The following TF variants were observed in gnomAD, a reference collection of about 807,000 sequenced individuals.
The protein encoded by TF is serotransferrin.
In TF, 55 loss-of-function variants were observed where a neutral mutation model predicts 82.4. That is an observed-to-expected ratio of 0.67 (90% CI 0.54 to 0.84). TF has a LOEUF of 0.84. Ranked by LOEUF, TF falls within the 40% of genes least tolerant of loss-of-function variation. The probability of loss-of-function intolerance (pLI) is 0.00; values close to 1 mark genes in which losing one functional copy is unlikely to be tolerated. For synonymous variants in TF, 332 were observed against 332.6 expected, an observed-to-expected ratio of 1.00 and a Z score of 0.02; for missense variants, 737 against 868.4, an observed-to-expected ratio of 0.85 and a Z score of 1.90.
intron 13 of TF, among the ~76,000 whole-genome samples, 170 bp downstream of exon 13, chr3:133,768,334 C>T (rs541842350): frequency 1.3e-5 from 2 of 152,156 alleles, no homozygotes; most frequent in Non-Finnish European, 2.9e-5. Flanking sequence ...AGCCAGACTC[C>T]CCCAGGATGC....
At chr3:133,669,023 C>T in the TF span, among the ~76,000 whole-genome samples, 3 of 151,664 alleles carry the variant, frequency 2.0e-5, no homozygotes, top group East Asian at 1.9e-4. Flanking sequence ...TTTTCTGAGA[C>T]GGAGTTTTGC....
rs558430547 is a variant in TF, at chr3:133,781,656, C to T, written c.*3036C>T. 3.1e-4 allele frequency: 47 copies of T among 152,068 alleles called. No homozygotes were observed. The highest frequency in any genetic ancestry group is 2.4e-3 in the Admixed American group (36 of 15,284). The allele number at this position is 152,068 out of a possible 1,614,324, so 9.4% of individuals were successfully genotyped here. A position where few individuals can be genotyped will look rare whatever the true frequency, so the allele number is the denominator to read the frequency against. ...ATGATACTAATCCTCAACTAAAAAA[C>T]AAAAGTGAGACAGATAAGAAAAATT... On this transcript the variant is annotated 3_prime_UTR_variant, in exon 17 of 17. Coordinates refer to ENST00000402696, the MANE Select transcript of TF (RefSeq NM_001063.4).
the TF span, among the ~76,000 whole-genome samples, chr3:133,731,124 G>A: frequency 6.6e-6 from 1 of 152,150 alleles, no homozygotes; most frequent in Admixed American, 6.5e-5. Context: ...GGACCCTGAG[G>A]ACATTAAACA....
the TF span, among the ~76,000 whole-genome samples, chr3:133,736,631 C>CAAAAAAGAAAAGAAAAAAAA: frequency 6.1e-5 from 2 of 32,554 alleles, no homozygotes; most frequent in Non-Finnish European, 1.1e-4. Flanking sequence ...AATGGAAAGC[C>CAAAAAAGAAAAGAAAAAAAA]AAAAAAAAAA....
chr3:133,685,039 G>C, the TF span, among the ~76,000 whole-genome samples: 3 of 152,164 alleles, frequency 2.0e-5, no homozygotes, highest in East Asian at 1.9e-4. Context: ...GGGATGCAAG[G>C]CTGGTTCAAC....
chr3:133,753,831 T>C (rs1291510598), intron 3 of TF, 128 bp downstream of exon 3: 9 of 805,502 alleles, frequency 1.1e-5, no homozygotes, highest in Middle Eastern at 2.5e-4. Context: ...GAGTAGAGAA[T>C]GAGGGGCCCT....
intron 9 of TF, chr3:133,761,792 C>T (rs1417447777): frequency 6.5e-6 from 1 of 152,774 alleles, no homozygotes; most frequent in Non-Finnish European, 1.5e-5. Flanking sequence ...GCTCCACTTT[C>T]TGCAACACGC....
the TF span, among the ~76,000 whole-genome samples, chr3:133,713,205 A>G: frequency 6.6e-6 from 1 of 152,230 alleles, no homozygotes; most frequent in Non-Finnish European, 1.5e-5. Context: ...AAAAATAGAT[A>G]TTCCTGGGCT....
rs1181001192 is a variant in TF at position 133,782,524 on chromosome 3, G to A, written c.*3904G>A. ...AACTGGAGGATATTAAGTGAAATAAGGCAGATACAGAAAGAAAAATATTAC... is the reference window on the plus strand; with the variant it reads ...AACTGGAGGATATTAAGTGAAATAAAGCAGATACAGAAAGAAAAATATTAC... On this transcript the variant is annotated 3_prime_UTR_variant, in exon 17 of 17. Transcript: ENST00000402696. 1 of 151,984 alleles carries A rather than the reference G, an allele frequency of 6.6e-6. No homozygotes were observed. The allele number at this position is 151,984 out of a possible 1,614,324, so 9.4% of individuals were successfully genotyped here. A position where few individuals can be genotyped will look rare whatever the true frequency, so the allele number is the denominator to read the frequency against.
chr3:133,712,733 G>T, the TF span: 1 of 158,908 alleles, frequency 6.3e-6, no homozygotes. Flanking sequence ...TGTGGTGGCA[G>T]GTGCAATCCT....
chr3:133,677,627 G>T, the TF span, among the ~76,000 whole-genome samples: 1 of 152,090 alleles, frequency 6.6e-6, no homozygotes, highest in Non-Finnish European at 1.5e-5. Context: ...AACAGAGCAA[G>T]ACTCTGTCTC....
At chr3:133,662,316 T>C in the TF span, 3 of 152,282 alleles carry the variant, frequency 2.0e-5, no homozygotes, top group African/African-American at 7.2e-5. Context: ...TAGTTCCATT[T>C]TGTAGATGTA....
At chr3:133,748,803 A>C in intron 2 of TF, 1 of 584,134 alleles carries the variant, frequency 1.7e-6, no homozygotes, top group South Asian at 1.9e-5. Context: ...TTCCAGACAC[A>C]GTAGACGCAA....
chr3:133,777,091 T>C lies in TF; in HGVS notation c.1915T>C (p.Cys639Arg), dbSNP rs1934413486. ...CGTAACTGACTGCTCGGGCAACTTT[T>C]GTTTGTTCCGGTCGGAAACCAAGGA... is the stretch of plus-strand genomic sequence containing the variant. ...SNVTDCSGNF[C>R]LFRSETKDLL... is the part of the protein sequence containing the mutation. Residue 639 changes from cysteine to arginine, a missense_variant, in exon 16 of 17, where the codon TGT (cysteine) becomes CGT (arginine). Cys to Arg is a radical substitution (Grantham distance 180). Transcript: ENST00000402696. The C allele has an allele frequency of 3.1e-6, 5 of 1,614,224 alleles. No individual in the cohort carries two copies. The highest frequency in any genetic ancestry group is 4.2e-6 in the Non-Finnish European group (5 of 1,180,038).
At chr3:133,749,397 C>T (rs1933600723) in intron 2 of TF, among the ~76,000 whole-genome samples, 2 of 152,192 alleles carry the variant, frequency 1.3e-5, no homozygotes, top group Admixed American at 6.5e-5. Flanking sequence ...AATGGGGCTG[C>T]AGTGGTGAAT....
At chr3:133,685,973 C>T in the TF span, among the ~76,000 whole-genome samples, 2 of 152,176 alleles carry the variant, frequency 1.3e-5, no homozygotes. Flanking sequence ...GTAACCAAAA[C>T]AGCATGGTAC....
At position 133,782,863 on chromosome 3, in the gene TF, A is replaced by G. The variant is rs1389153877; in HGVS notation, c.*4243A>G. On this transcript the variant is annotated 3_prime_UTR_variant, in exon 17 of 17. Coordinates refer to ENST00000402696, the MANE Select transcript of TF (RefSeq NM_001063.4). Reference sequence around the variant, plus strand: ...CAACAAACAAACAAGCAAACAAAACACACACACACAAAAAAAATTAGCGAG... The same window carrying G: ...CAACAAACAAACAAGCAAACAAAACGCACACACACAAAAAAAATTAGCGAG... 2 of 151,874 alleles carry G rather than the reference A, an allele frequency of 1.3e-5. No homozygotes were observed. The highest frequency in any genetic ancestry group is 2.9e-5 in the Non-Finnish European group (2 of 68,006). The allele number at this position is 151,874 out of a possible 1,614,324, so 9.4% of individuals were successfully genotyped here.
At chr3:133,694,532 T>C in the TF span, among the ~76,000 whole-genome samples, 5 of 152,188 alleles carry the variant, frequency 3.3e-5, no homozygotes, top group African/African-American at 4.8e-5. Context: ...AGCACTCTTC[T>C]GTGTGGGAGC....
At chr3:133,677,109 G>C in the TF span, among the ~76,000 whole-genome samples, 6 of 152,360 alleles carry the variant, frequency 3.9e-5, no homozygotes, top group African/African-American at 1.4e-4. Context: ...CAGACAGCCT[G>C]TACCTCCACC....
Sources: gnomAD v4.1 joint callset for allele counts (sites outside exome capture counted in the v4.1 genomes callset) on GRCh38, gnomAD v4.1.1 for gene constraint, MANE v1.5 for transcripts, NCBI Gene and HGNC (gene_info 2026-07-23, HGNC 2026-07-21) for gene names.